The following HELLS variants were observed in gnomAD, a reference collection of about 807,000 sequenced individuals.
The protein encoded by HELLS is lymphoid-specific helicase.
HELLS carries 32 observed loss-of-function variants against 120.0 expected under a neutral mutation model. The ratio of observed to expected loss-of-function variants is 0.27; its 90% CI spans 0.20 to 0.36. The LOEUF (loss-of-function observed/expected upper bound fraction) is 0.36, where lower values mean the gene tolerates loss of function less well. HELLS is among the 10% of genes least tolerant of loss of function. HELLS has a pLI of 1.00. For missense variants in HELLS, 650 were observed against 993.4 expected (o/e 0.65, Z 4.65); for synonymous variants, 341 against 323.4 (o/e 1.05, Z -0.58).
At position 94,581,707 on chromosome 10, in the gene HELLS, AC is replaced by A. The variant is rs1360097770; in HGVS notation, c.1229+186del. Among the ~76,000 whole-genome samples the A allele has an allele frequency of 3.9e-5, 6 of 152,338 alleles. No homozygotes were observed. In the South Asian group the frequency reaches 1.0e-3, roughly 26 times the overall value. On this transcript the variant is annotated intron_variant, in intron 11 of 21. Coordinates refer to ENST00000348459, the MANE Select transcript of HELLS (RefSeq NM_018063.5). The stretch of plus-strand genomic sequence containing the variant: ...ATTAAGAAAAGATTATTTAAAACTT[AC>A]TTGCATTGATTAAAGGAAGACTGCT...
At chr10:94,590,591 G>A (rs772822491) in intron 14 of HELLS, 39 bp downstream of exon 14, 1 of 1,609,786 alleles carries the variant, frequency 6.2e-7, no homozygotes, top group South Asian at 1.1e-5. Flanking sequence ...TCTTTAAACT[G>A]TGACCATTTT....
chr10:94,577,788 G>C (rs1349258046), intron 10 of HELLS: 1 of 152,364 alleles, frequency 6.6e-6, no homozygotes, highest in Non-Finnish European at 1.5e-5. Context: ...TAGGCCGGAC[G>C]CGGTGGCTCA....
At chr10:94,573,935 C>T (rs370478982) in intron 7 of HELLS, 25 bp from the exon 8 acceptor site, 36 of 1,377,580 alleles carry the variant, frequency 2.6e-5, no homozygotes, top group Middle Eastern at 1.8e-4. Flanking sequence ...TATAACACAT[C>T]TTATTAAACT....
chr10:94,597,211 A>G (rs1225186179), intron 21 of HELLS, 100 bp downstream of exon 21: 6 of 628,326 alleles, frequency 9.5e-6, no homozygotes, highest in Middle Eastern at 2.8e-4. Context: ...ACATGTATCC[A>G]ATCTTGTTTT....
At chr10:94,574,521 A>C (rs1477404842) in intron 8 of HELLS, 33 bp from the exon 9 acceptor site, 2 of 1,491,210 alleles carry the variant, frequency 1.3e-6, no homozygotes, top group Non-Finnish European at 1.9e-6. Context: ...GTTTATATCC[A>C]AGTTTAAATA....
At chr10:94,608,561 A>G (rs1431773172) in intron 9 of HELLS, among the ~76,000 whole-genome samples, 1 of 152,158 alleles carries the variant, frequency 6.6e-6, no homozygotes, top group Non-Finnish European at 1.5e-5. Flanking sequence ...GGTCTCTTTC[A>G]TTTCTTTTTT....
intron 6 of HELLS, chr10:94,569,993 A>G (rs1365874311): frequency 6.6e-6 from 1 of 151,910 alleles, no homozygotes; most frequent in Non-Finnish European, 1.5e-5. Flanking sequence ...TAGTAACTAT[A>G]AGTTAAATAC....
rs201425047 is a variant in HELLS, at chr10:94,576,526, T to C, written c.889-136T>C. 116 of 489,412 alleles carry C rather than the reference T, an allele frequency of 2.4e-4. No homozygotes were observed. The East Asian group carries it at 3.0e-3, about 13-fold the overall frequency. 30.3% of individuals were successfully genotyped at this position (489,412 alleles called of 1,614,324 possible). On this transcript the variant is annotated intron_variant, in intron 9 of 21. Transcript: ENST00000348459. ...CAATGATTTGTTAGAATTGCTTGGC[T>C]TATTTTGCTATAGAAAAATAGAAAT...
chr10:94,584,052 C>T, intron 12 of HELLS: 1 of 1,242,336 alleles, frequency 8.0e-7, no homozygotes, highest in Non-Finnish European at 1.1e-6. Context: ...GGCAAATTGC[C>T]CTCCAGAAAA....
At chr10:94,564,559 A>C (rs1043017466) in intron 6 of HELLS, among the ~76,000 whole-genome samples, 5 of 152,148 alleles carry the variant, frequency 3.3e-5, no homozygotes, top group African/African-American at 1.2e-4. Flanking sequence ...AATGAATTAG[A>C]GCATCTTCAG....
At position 94,601,754 on chromosome 10, in the gene HELLS, A is replaced by G; in HGVS notation, c.*132A>G. The G allele has an allele frequency of 2.0e-6, 1 of 510,236 alleles. No homozygotes were observed. The highest frequency in any genetic ancestry group is 2.8e-5 in the South Asian group (1 of 35,810). 31.6% of individuals were successfully genotyped at this position (510,236 alleles called of 1,614,324 possible). A position where few individuals can be genotyped will look rare whatever the true frequency, so the allele number is the denominator to read the frequency against. The stretch of plus-strand genomic sequence containing the variant: ...TTGACATGTAACTAGTACCATGCGT[A>G]CTTAAATAGATGGTAATTTTCTGAG... On this transcript the variant is annotated 3_prime_UTR_variant, in exon 22 of 22. Coordinates refer to ENST00000348459, the MANE Select transcript of HELLS (RefSeq NM_018063.5).
chr10:94,546,470 TAGAG>T lies in HELLS; in HGVS notation c.132_135del (p.Arg44SerfsTer39). The stretch of plus-strand genomic sequence containing the variant: ...GAAGAACAGCTTGAAGCTGCTGGAC[TAGAG>T]AGAGAGCGGAAGATGCTGGAAAAGG... On this transcript the variant is annotated frameshift_variant, in exon 2 of 22. Coordinates refer to ENST00000348459, the MANE Select transcript of HELLS (RefSeq NM_018063.5). LOFTEE classifies it high-confidence loss of function. 1 of 1,614,108 alleles carries T rather than the reference TAGAG, an allele frequency of 6.2e-7. No homozygotes were observed.
In HELLS at chr10:94,576,686, A is replaced by C. The variant is rs200482346; in HGVS notation, c.913A>C (p.Thr305Pro). The C allele has an allele frequency of 6.2e-7, 1 of 1,606,364 alleles. No homozygotes were observed. The highest frequency in any genetic ancestry group is 8.5e-7 in the Non-Finnish European group (1 of 1,173,536). Residue 305 changes from threonine (T) to proline (P), a missense_variant, in exon 10 of 22, where the codon ACC becomes CCC. Coordinates refer to ENST00000348459, the MANE Select transcript of HELLS (RefSeq NM_018063.5). The stretch of plus-strand genomic sequence containing the variant: ...GATCCCTACAATGTTATATCATGGA[A>C]CCCAGGAGGAACGTCAAAAATTGGT... Reference protein sequence around the residue: ...PDIPTMLYHGTQEERQKLVRN... With the variant: ...PDIPTMLYHGPQEERQKLVRN...
At chr10:94,593,381 ATT>A in intron 17 of HELLS, 116 bp from the exon 18 acceptor site, 1 of 630,844 alleles carries the variant, frequency 1.6e-6, no homozygotes, top group East Asian at 2.7e-5. Flanking sequence ...GATCTGAATG[ATT>A]TGTTTGGCCT....
At position 94,598,890 on chromosome 10, in the gene HELLS, A is replaced by G. The variant is rs531254240; in HGVS notation, c.2422+1779A>G. On this transcript the variant is annotated intron_variant, in intron 21 of 21. Coordinates refer to ENST00000348459, the MANE Select transcript of HELLS (RefSeq NM_018063.5). ...TTTCAATGAATTTTCATCTTTTTGCATGTCAATATTAATTTGTTAAAAAGA... is the reference window on the plus strand; with the variant it reads ...TTTCAATGAATTTTCATCTTTTTGCGTGTCAATATTAATTTGTTAAAAAGA... Among the ~76,000 whole-genome samples the G allele has an allele frequency of 9.8e-4, 149 of 152,138 alleles. 1 individual carries two copies. The highest frequency in any genetic ancestry group is 3.4e-3 in the African/African-American group (142 of 41,508).
chr10:94,590,913 A>G (rs1254264334), intron 15 of HELLS, 137 bp downstream of exon 15: 2 of 492,060 alleles, frequency 4.1e-6, no homozygotes, highest in African/African-American at 4.0e-5. Context: ...TCCTTCAGTA[A>G]GCTGAGACAG....
intron 7 of HELLS, among the ~76,000 whole-genome samples, chr10:94,571,749 T>G (rs1214647055): frequency 1.3e-5 from 2 of 152,240 alleles, no homozygotes; most frequent in Non-Finnish European, 2.9e-5. Context: ...AATCATCTTA[T>G]GGAAGCTGTG....
chr10:94,574,531 A>G (rs1347259183), intron 8 of HELLS, 23 bp from the exon 9 acceptor site: 1 of 1,558,354 alleles, frequency 6.4e-7, no homozygotes, highest in South Asian at 1.1e-5. Context: ...AAGTTTAAAT[A>G]CAGTATCTAT....
rs762372546 is a variant in HELLS, at chr10:94,592,398, C to G, written c.1855C>G (p.Leu619Val). The G allele has an allele frequency of 5.1e-6, 8 of 1,579,348 alleles. No homozygotes were observed. Among genetic ancestry groups the G allele is most frequent in the Non-Finnish European group, 6.9e-6 (8 of 1,167,412 alleles). The change falls in exon 17 of 22, where the codon CTG becomes GTG. Residue 619 changes from leucine (L) to valine (V), a missense_variant. Around this residue, in one of 9 missense-constraint regions of HELLS, gnomAD observed 191 missense variants for 259.7 expected, o/e 0.74. Coordinates refer to ENST00000348459, the MANE Select transcript of HELLS (RefSeq NM_018063.5). ...ATTAAGATATGTTTAATTTCAGGTG[C>G]TGCTTTTTTCACAAATGACAAGCAT... Reference protein sequence around the residue: ...PELKKRGHKVLLFSQMTSMLD... With the variant: ...PELKKRGHKVVLFSQMTSMLD...
Sources: gnomAD v4.1 joint callset for allele counts (sites outside exome capture counted in the v4.1 genomes callset) on GRCh38, gnomAD v4.1.1 for gene constraint, gnomAD v4.1.1 regional missense constraint, MANE v1.5 for transcripts, NCBI Gene and HGNC (gene_info 2026-07-23, HGNC 2026-07-21) for gene names.